SPOPL: variants seen among roughly 807,000 people sequenced by gnomAD.
The protein encoded by SPOPL is speckle type BTB/POZ protein like, also known as speckle-type POZ protein-like.
Under a neutral mutation model 53.8 loss-of-function variants are expected in SPOPL, and 23 were observed. The ratio of observed to expected loss-of-function variants is 0.43; its 90% CI spans 0.31 to 0.61. The LOEUF is 0.61. SPOPL is among the 20% of genes least tolerant of loss of function. The pLI, the probability that SPOPL is intolerant of heterozygous loss-of-function variation, is 0.12. For synonymous variants in SPOPL, 164 were observed against 149.7 expected (o/e 1.10, Z -0.70); for missense variants, 442 against 466.9 (o/e 0.95, Z 0.49).
intron 1 of SPOPL, among the ~76,000 whole-genome samples, chr2:138,538,187 T>C (rs1684979159): frequency 6.6e-6 from 1 of 152,152 alleles, no homozygotes; most frequent in African/African-American, 2.4e-5. Flanking sequence ...AGAATGTGTG[T>C]TCCACTGTTG....
chr2:138,523,138 A>G (rs1285984239), intron 1 of SPOPL, among the ~76,000 whole-genome samples: 1 of 152,224 alleles, frequency 6.6e-6, no homozygotes, highest in Non-Finnish European at 1.5e-5. Context: ...TTACAAAAGA[A>G]AGGTTTAGTT....
Position 138,571,657 on chromosome 2 carries a change from A to G in SPOPL, c.*2577A>G, listed in dbSNP as rs777600530. 1 of 152,530 alleles carries G rather than the reference A, an allele frequency of 6.6e-6. No homozygotes were observed. Among genetic ancestry groups the G allele is most frequent in the Non-Finnish European group, 1.5e-5 (1 of 68,022 alleles). The allele number at this position is 152,530 out of a possible 1,614,324, so 9.4% of individuals were successfully genotyped here. A position where few individuals can be genotyped will look rare whatever the true frequency, so the allele number is the denominator to read the frequency against. On this transcript the variant is annotated 3_prime_UTR_variant, in exon 11 of 11. Transcript: ENST00000280098. ...CTCCTTCTCCTCATTTTTAAACTGCATACATTACTTTCAAAATAGGTATAG... is the reference window on the plus strand; with the variant it reads ...CTCCTTCTCCTCATTTTTAAACTGCGTACATTACTTTCAAAATAGGTATAG...
intron 1 of SPOPL, among the ~76,000 whole-genome samples, chr2:138,539,027 G>T (rs1449418927): frequency 6.6e-6 from 1 of 152,096 alleles, no homozygotes; most frequent in Non-Finnish European, 1.5e-5. Context: ...GCGATAGTTT[G>T]CTGAGAATGA....
intron 7 of SPOPL, among the ~76,000 whole-genome samples, chr2:138,559,582 A>C (rs1400284269): frequency 1.3e-5 from 2 of 152,178 alleles, no homozygotes; most frequent in Admixed American, 6.5e-5. Flanking sequence ...GATAGTTGTT[A>C]TCCAAAAGGA....
chr2:138,531,297 G>A (rs1294590095), intron 1 of SPOPL, among the ~76,000 whole-genome samples: 3 of 151,990 alleles, frequency 2.0e-5, no homozygotes, highest in South Asian at 2.1e-4. Flanking sequence ...AGTTACTTGA[G>A]CTACTGCCAA....
intron 1 of SPOPL, among the ~76,000 whole-genome samples, chr2:138,537,794 C>G (rs1429801983): frequency 1.3e-5 from 2 of 152,180 alleles, no homozygotes; most frequent in African/African-American, 4.8e-5. Context: ...TTCTCATAGT[C>G]TCTACTAAAT....
chr2:138,520,081 C>T (rs1170374742), intron 1 of SPOPL, among the ~76,000 whole-genome samples: 1 of 152,144 alleles, frequency 6.6e-6, no homozygotes, highest in Non-Finnish European at 1.5e-5. Flanking sequence ...AAATAACCTC[C>T]TCTATGAGCT....
At chr2:138,550,054 A>G in intron 1 of SPOPL, 103 bp from the exon 2 acceptor site, 1 of 549,966 alleles carries the variant, frequency 1.8e-6, no homozygotes, top group Non-Finnish European at 3.2e-6. Flanking sequence ...TTCATAATCT[A>G]GTTTGGGATA....
chr2:138,527,356 C>T (rs1307055489), intron 1 of SPOPL, among the ~76,000 whole-genome samples: 1 of 152,154 alleles, frequency 6.6e-6, no homozygotes, highest in Non-Finnish European at 1.5e-5. Context: ...CAATACTGGA[C>T]CTCGTCAATC....
At chr2:138,551,684 A>G (rs1685316396) in intron 4 of SPOPL, among the ~76,000 whole-genome samples, 1 of 152,084 alleles carries the variant, frequency 6.6e-6, no homozygotes, top group African/African-American at 2.4e-5. Context: ...ATTACAGAAA[A>G]TTCACATTCA....
intron 10 of SPOPL, among the ~76,000 whole-genome samples, chr2:138,566,024 G>A (rs963679990): frequency 3.9e-5 from 6 of 152,078 alleles, no homozygotes; most frequent in Non-Finnish European, 7.4e-5. Context: ...GTGAGCCACC[G>A]TGCCCGGCCA....
chr2:138,544,807 A>G (rs1035064021), intron 1 of SPOPL, among the ~76,000 whole-genome samples: 5 of 152,068 alleles, frequency 3.3e-5, no homozygotes, highest in Admixed American at 1.3e-4. Flanking sequence ...TGGAAAAATC[A>G]CCCATCTTCT....
intron 1 of SPOPL, among the ~76,000 whole-genome samples, chr2:138,520,930 C>T (rs1323432282): frequency 6.6e-5 from 10 of 152,168 alleles, no homozygotes; most frequent in African/African-American, 7.2e-5. Context: ...GTACACTGGG[C>T]TTCGTCTTTT....
chr2:138,550,865 A>G, intron 3 of SPOPL, 38 bp from the exon 4 acceptor site: 1 of 1,550,348 alleles, frequency 6.5e-7, no homozygotes, highest in Non-Finnish European at 8.7e-7. Context: ...CTTTTCAAGT[A>G]TTATATTCCT....
intron 1 of SPOPL, among the ~76,000 whole-genome samples, chr2:138,503,075 G>C (rs1359832308): frequency 2.0e-5 from 3 of 152,170 alleles, no homozygotes; most frequent in African/African-American, 7.2e-5. Flanking sequence ...ACTAGAAACT[G>C]ACAGAGGTAA....
At chr2:138,511,588 C>T (rs1684325139) in intron 1 of SPOPL, among the ~76,000 whole-genome samples, 1 of 152,130 alleles carries the variant, frequency 6.6e-6, no homozygotes, top group Non-Finnish European at 1.5e-5. Flanking sequence ...CAGTTGCTGT[C>T]AATTACCAGA....
intron 1 of SPOPL, among the ~76,000 whole-genome samples, chr2:138,507,139 A>G (rs1245555112): frequency 1.3e-5 from 2 of 152,120 alleles, no homozygotes; most frequent in Non-Finnish European, 2.9e-5. Context: ...GGTTGTCAAT[A>G]CACCCATAAA....
chr2:138,529,544 G>GCGCA (rs1684761261), intron 1 of SPOPL, among the ~76,000 whole-genome samples: 2 of 150,408 alleles, frequency 1.3e-5, no homozygotes, highest in Admixed American at 1.3e-4. Context: ...GTTTGCGTGC[G>GCGCA]CGCGCGCTTC....
chr2:138,530,910 T>C (rs1335465177), intron 1 of SPOPL, among the ~76,000 whole-genome samples: 1 of 134,042 alleles, frequency 7.5e-6, no homozygotes, highest in African/African-American at 2.7e-5. Flanking sequence ...AGGGAAACCT[T>C]ACTGTAGAGT....
Sources: allele counts gnomAD v4.1 joint callset (sites outside exome capture counted in the v4.1 genomes callset), GRCh38; gene constraint gnomAD v4.1.1; transcripts MANE v1.5; gene names NCBI Gene and HGNC (gene_info 2026-07-23, HGNC 2026-07-21).